The following DZANK1 variants were observed in gnomAD, a reference collection of about 807,000 sequenced individuals.
The protein encoded by DZANK1 is double zinc ribbon and ankyrin repeat-containing protein 1.
DZANK1 carries 91 observed loss-of-function variants against 94.5 expected under a neutral mutation model. That is an observed-to-expected ratio of 0.96 (90% CI 0.81 to 1.15). The LOEUF is 1.15. Among genes scored for constraint, DZANK1 ranks in the 50% most tolerant of loss-of-function variants. The pLI is 0.00. For missense variants in DZANK1, 903 were observed against 916.4 expected (o/e 0.99, Z 0.19); for synonymous variants, 312 against 325.3 (o/e 0.96, Z 0.44).
At chr20:18,444,463 C>T (rs1332502706) in intron 7 of DZANK1, among the ~76,000 whole-genome samples, 1 of 152,200 alleles carries the variant, frequency 6.6e-6, no homozygotes, top group African/African-American at 2.4e-5. Flanking sequence ...AGAAGAGCTG[C>T]AGGGAGAGTT....
chr20:18,436,769 A>G (rs564562785), intron 8 of DZANK1, among the ~76,000 whole-genome samples: 2 of 152,334 alleles, frequency 1.3e-5, no homozygotes, highest in Admixed American at 1.3e-4. Context: ...CCCACACTTA[A>G]ACACATTATA....
chr20:18,459,948 G>C (rs1601188110), intron 3 of DZANK1, among the ~76,000 whole-genome samples: 2 of 152,096 alleles, frequency 1.3e-5, no homozygotes, highest in Non-Finnish European at 1.5e-5. Flanking sequence ...TCACTGAGCT[G>C]TATACTTATG....
chr20:18,444,919 G>A (rs1176619920), intron 7 of DZANK1, among the ~76,000 whole-genome samples: 2 of 151,928 alleles, frequency 1.3e-5, no homozygotes, highest in Non-Finnish European at 2.9e-5. Context: ...TCCTGCCTCA[G>A]CCTCCAGGGT....
intron 17 of DZANK1, among the ~76,000 whole-genome samples, chr20:18,392,429 A>C (rs1022292369): frequency 6.6e-6 from 1 of 152,230 alleles, no homozygotes; most frequent in East Asian, 1.9e-4. Flanking sequence ...CTGGGCAGCT[A>C]GTGCACTGAC....
At chr20:18,434,268 G>T (rs893645325) in intron 8 of DZANK1, among the ~76,000 whole-genome samples, 13 of 152,054 alleles carry the variant, frequency 8.5e-5, no homozygotes, top group Admixed American at 4.6e-4. Flanking sequence ...TCACAGGCTG[G>T]GTGCGGTGGC....
chr20:18,417,439 T>C (rs2057545493), intron 10 of DZANK1, among the ~76,000 whole-genome samples: 1 of 152,204 alleles, frequency 6.6e-6, no homozygotes, highest in Admixed American at 6.5e-5. Context: ...AGTTCCACTG[T>C]TTTCTATTTT....
intron 11 of DZANK1, 85 bp downstream of exon 11, chr20:18,415,242 G>A: frequency 7.7e-7 from 1 of 1,303,758 alleles, no homozygotes; most frequent in Non-Finnish European, 9.9e-7. Context: ...AGTGATTTCT[G>A]CAAGGCCATG....
intron 18 of DZANK1, among the ~76,000 whole-genome samples, chr20:18,390,112 T>G (rs1284998485): frequency 6.6e-6 from 1 of 152,154 alleles, no homozygotes; most frequent in African/African-American, 2.4e-5. Context: ...AAAGGTAATA[T>G]GGGGTCATGG....
intron 9 of DZANK1, among the ~76,000 whole-genome samples, chr20:18,427,987 A>C (rs1431480108): frequency 6.6e-6 from 1 of 151,548 alleles, no homozygotes; most frequent in Non-Finnish European, 1.5e-5. Context: ...CGTCTCTACT[A>C]AAAATACAAA....
intron 15 of DZANK1, chr20:18,394,949 C>T (rs1215067471): frequency 2.2e-6 from 1 of 451,076 alleles, no homozygotes; most frequent in Non-Finnish European, 4.5e-6. Context: ...AGGCCAGACA[C>T]AGAAGTCTGT....
At chr20:18,424,166 C>T (rs962206459) in intron 10 of DZANK1, among the ~76,000 whole-genome samples, 2 of 152,062 alleles carry the variant, frequency 1.3e-5, no homozygotes, top group Admixed American at 6.6e-5. Flanking sequence ...ATTGGTGATA[C>T]CGGCCGGGCG....
At chr20:18,426,744 G>A (rs1489524694) in intron 10 of DZANK1, among the ~76,000 whole-genome samples, 4 of 152,164 alleles carry the variant, frequency 2.6e-5, no homozygotes, top group African/African-American at 2.4e-5. Context: ...AGGTGGAGGG[G>A]ATGACAAAGA....
At chr20:18,412,895 T>C in intron 12 of DZANK1, 42 bp from the exon 13 acceptor site, 1 of 1,526,212 alleles carries the variant, frequency 6.6e-7, no homozygotes. Context: ...TAGAATATAA[T>C]TTAATCAATC....
rs1485430625 is a variant in DZANK1 at position 18,412,804 on chromosome 20, A to G, written c.1274T>C (p.Val425Ala). 2 of 1,613,988 alleles carry G rather than the reference A, an allele frequency of 1.2e-6. No individual in the cohort carries two copies. The highest frequency in any genetic ancestry group is 1.7e-5 in the Admixed American group (1 of 60,018). Reference sequence around the variant, plus strand: ...TGTTCCTATGTCCCTCTTAGTCCCAACATCAGATCTGGGCAAAGGAATATT... The same window carrying G: ...TGTTCCTATGTCCCTCTTAGTCCCAGCATCAGATCTGGGCAAAGGAATATT... The change falls in exon 13 of 21, where the codon GTT (valine) becomes GCT (alanine). Residue 425 changes from valine (V) to alanine (A), a missense_variant. Val to Ala is a moderately conservative substitution (Grantham distance 64, BLOSUM62 0). Coordinates refer to ENST00000262547, the Ensembl canonical transcript of DZANK1.
At chr20:18,462,932 G>C (rs1286131745) in intron 2 of DZANK1, among the ~76,000 whole-genome samples, 1 of 74,840 alleles carries the variant, frequency 1.3e-5, no homozygotes, top group Non-Finnish European at 2.5e-5. Flanking sequence ...AGTAAGACTC[G>C]GTCTTAAAAA....
chr20:18,388,507 C>G (rs893875809), intron 19 of DZANK1, among the ~76,000 whole-genome samples: 5 of 152,212 alleles, frequency 3.3e-5, no homozygotes, highest in Non-Finnish European at 7.3e-5. Flanking sequence ...CAAGTAATTT[C>G]TGTATCAACC....
intron 7 of DZANK1, among the ~76,000 whole-genome samples, chr20:18,448,289 G>C (rs2058958167): frequency 6.6e-6 from 1 of 152,206 alleles, no homozygotes; most frequent in African/African-American, 2.4e-5. Flanking sequence ...CAGCATTAAA[G>C]AGCACACACT....
chr20:18,400,447 C>T (rs1424419368), intron 13 of DZANK1, among the ~76,000 whole-genome samples: 1 of 152,232 alleles, frequency 6.6e-6, no homozygotes, highest in Admixed American at 6.5e-5. Context: ...AGTGTCAACT[C>T]CCAGTGCTTC....
chr20:18,396,412 AT>A (rs2056344533), intron 15 of DZANK1, 59 bp downstream of exon 15: 1 of 1,356,258 alleles, frequency 7.4e-7, no homozygotes, highest in Admixed American at 1.9e-5. Context: ...ATTTCTATAA[AT>A]TGTCTCAATT....
Sources: allele counts gnomAD v4.1 joint callset (sites outside exome capture counted in the v4.1 genomes callset), GRCh38; gene constraint gnomAD v4.1.1; transcripts MANE v1.5; gene names NCBI Gene and HGNC (gene_info 2026-07-23, HGNC 2026-07-21).